ASH1L: variants seen among roughly 807,000 people sequenced by gnomAD.
The protein encoded by ASH1L is ASH1 like histone lysine methyltransferase, also known as histone-lysine N-methyltransferase ASH1L.
ASH1L carries 23 observed loss-of-function variants against 269.0 expected under a neutral mutation model. The ratio of observed to expected loss-of-function variants is 0.09; its 90% CI spans 0.06 to 0.12. ASH1L has a LOEUF of 0.12. Among genes scored for constraint, ASH1L ranks in the 10% least tolerant of loss-of-function variants. ASH1L has a pLI of 1.00. For synonymous variants in ASH1L, 1,187 were observed against 1,253.5 expected (o/e 0.95, Z 1.12); for missense variants, 2,912 against 3,567.8 (o/e 0.82, Z 4.68).
chr1:155,436,988 C>T (rs1251073722), intron 5 of ASH1L, among the ~76,000 whole-genome samples: 1 of 152,152 alleles, frequency 6.6e-6, no homozygotes, highest in Admixed American at 6.6e-5. Flanking sequence ...ATCATCTGAC[C>T]ATGCATGCAA....
chr1:155,479,858 A>C lies in ASH1L; in HGVS notation c.3012T>G (p.Ser1004Arg). ...TCCCTTTATTACTTGATTCTACAGA[A>C]CTTGAAAGAATCTGATTCAACAGTT... ...RKKLLNQILS[S>R]SVESSNKGKV... Residue 1004 changes from serine to arginine, a missense_variant, in exon 3 of 28, where the codon AGT (serine) becomes AGG (arginine). By Grantham distance (110) the Ser-to-Arg change is moderately radical (BLOSUM62 -1). Transcript: ENST00000392403. 1 of 1,613,558 alleles carries C rather than the reference A, an allele frequency of 6.2e-7. No individual in the cohort carries two copies. The highest frequency in any genetic ancestry group is 1.7e-5 in the Admixed American group (1 of 59,920).
At position 155,373,434 on chromosome 1, in the gene ASH1L, C is replaced by T. The variant is rs150920672; in HGVS notation, c.6333-2451G>A. 4.4e-3 allele frequency among the ~76,000 whole-genome samples: 674 copies of T among 151,486 alleles called. 6 individuals are homozygous for T. The highest frequency in any genetic ancestry group is 0.016 in the African/African-American group (645 of 41,250). ...TCCTGGGTAGCTGGGAACACAGGCG[C>T]GCACCACCGCATCTGACTACTTAAA... On this transcript the variant is annotated intron_variant, in intron 10 of 27. Coordinates refer to ENST00000392403, the MANE Select transcript of ASH1L (RefSeq NM_018489.3).
intron 5 of ASH1L, among the ~76,000 whole-genome samples, chr1:155,431,427 C>G (rs1661589132): frequency 1.3e-5 from 2 of 151,854 alleles, no homozygotes; most frequent in Admixed American, 6.6e-5. Context: ...GTAGCTAGAA[C>G]CACAGACACG....
chr1:155,361,872 C>CAAAAA (rs771879733), intron 12 of ASH1L, among the ~76,000 whole-genome samples: 3 of 58,680 alleles, frequency 5.1e-5, no homozygotes, highest in African/African-American at 5.7e-5. Flanking sequence ...GACTCCGTCT[C>CAAAAA]AAAAAAAAAA....
At position 155,521,132 on chromosome 1, in the gene ASH1L, C is replaced by T. The variant is rs2148842779; in HGVS notation, c.388G>A (p.Asp130Asn). The T allele has an allele frequency of 6.2e-7, 1 of 1,606,890 alleles. No homozygotes were observed. Among genetic ancestry groups the T allele is most frequent in the Non-Finnish European group, 8.5e-7 (1 of 1,178,030 alleles). The change falls in exon 2 of 28, where the codon GAT becomes AAT. Residue 130 changes from aspartate (D) to asparagine (N), a missense_variant. By Grantham distance (23) the Asp-to-Asn change is conservative. Around this residue, in one of 13 missense-constraint regions of ASH1L, gnomAD observed 277 missense variants for 367.7 expected, o/e 0.75. Coordinates refer to ENST00000392403, the MANE Select transcript of ASH1L (RefSeq NM_018489.3). ...GAAGGACAGTGTTCATTCTTTTCAT[C>T]CGTCATCTTTCCACTTTTAAGTGCT... is the stretch of plus-strand genomic sequence containing the variant. ...RKALKSGKMT[D>N]EKNEHCPSKR... is the part of the protein sequence containing the mutation.
chr1:155,557,413 T>G (rs1319727005), intron 1 of ASH1L, among the ~76,000 whole-genome samples: 1 of 151,794 alleles, frequency 6.6e-6, no homozygotes, highest in Non-Finnish European at 1.5e-5. Flanking sequence ...CAGGTGCCCA[T>G]CACCATGCCC....
chr1:155,546,942 A>ATTTTTTTTT, intron 1 of ASH1L, among the ~76,000 whole-genome samples: 1 of 130,814 alleles, frequency 7.6e-6, no homozygotes, highest in Non-Finnish European at 1.6e-5. Context: ...GTTTCATCAC[A>ATTTTTTTTT]TTCTTTTTTT....
At chr1:155,412,851 G>A (rs1290079148) in intron 6 of ASH1L, among the ~76,000 whole-genome samples, 1 of 151,396 alleles carries the variant, frequency 6.6e-6, no homozygotes, top group Non-Finnish European at 1.5e-5. Context: ...CTTGGTGTAT[G>A]GGAAAACCCT....
At chr1:155,408,644 CAG>C (rs1659509931) in intron 6 of ASH1L, among the ~76,000 whole-genome samples, 1 of 152,232 alleles carries the variant, frequency 6.6e-6, no homozygotes, top group Admixed American at 6.5e-5. Context: ...ATAAAGGAAA[CAG>C]GGGCCAGTTT....
chr1:155,520,071 G>C (rs992331704), intron 2 of ASH1L, among the ~76,000 whole-genome samples: 20 of 152,118 alleles, frequency 1.3e-4, no homozygotes, highest in Non-Finnish European at 1.0e-4. Context: ...AATTATTTTG[G>C]CTGGGTACAG....
chr1:155,530,962 CCAA>C (rs1669633722), intron 1 of ASH1L, among the ~76,000 whole-genome samples: 1 of 151,854 alleles, frequency 6.6e-6, no homozygotes, highest in Admixed American at 6.6e-5. Flanking sequence ...TCCAGCCTGG[CCAA>C]CAGAGTGACA....
At chr1:155,448,928 CTA>C (rs1663241621) in intron 4 of ASH1L, among the ~76,000 whole-genome samples, 2 of 151,308 alleles carry the variant, frequency 1.3e-5, no homozygotes, top group South Asian at 4.1e-4. Context: ...CCACAAATTT[CTA>C]TGTGTGTGTG....
intron 2 of ASH1L, among the ~76,000 whole-genome samples, chr1:155,510,345 C>T (rs529601494): frequency 5.5e-4 from 73 of 132,566 alleles, no homozygotes; most frequent in African/African-American, 1.8e-3. Context: ...ACCCGGGAGG[C>T]GGAGGTTGTA....
chr1:155,380,699 C>T (rs1656858431), intron 7 of ASH1L, among the ~76,000 whole-genome samples: 1 of 151,502 alleles, frequency 6.6e-6, no homozygotes, highest in African/African-American at 2.4e-5. Context: ...GGTGCGATCT[C>T]GGCTCACTGT....
intron 5 of ASH1L, among the ~76,000 whole-genome samples, chr1:155,420,127 G>C (rs991093069): frequency 4.6e-5 from 7 of 152,022 alleles, no homozygotes; most frequent in African/African-American, 1.7e-4. Context: ...AGACCAGCCT[G>C]GTGAACATGG....
intron 3 of ASH1L, among the ~76,000 whole-genome samples, chr1:155,463,998 T>C (rs1382428680): frequency 6.6e-6 from 1 of 152,202 alleles, no homozygotes; most frequent in Non-Finnish European, 1.5e-5. Flanking sequence ...ATTCACTGAC[T>C]CTTCGCCATA....
chr1:155,548,860 C>T (rs1211169799), intron 1 of ASH1L, among the ~76,000 whole-genome samples: 1 of 152,152 alleles, frequency 6.6e-6, no homozygotes, highest in Non-Finnish European at 1.5e-5. Context: ...CACCCAACTG[C>T]CTATTCAATA....
At chr1:155,467,750 G>T (rs55672208) in intron 3 of ASH1L, among the ~76,000 whole-genome samples, 1 of 151,760 alleles carries the variant, frequency 6.6e-6, no homozygotes, top group Non-Finnish European at 1.5e-5. Context: ...ACACTTATGA[G>T]GAATCCACTC....
chr1:155,521,714 T>G, intron 1 of ASH1L, 96 bp from the exon 2 acceptor site: 1 of 458,202 alleles, frequency 2.2e-6, no homozygotes, highest in South Asian at 6.1e-5. Flanking sequence ...GGTCAACAAC[T>G]ACCCAAAAAA....
Sources: allele counts gnomAD v4.1 joint callset (sites outside exome capture counted in the v4.1 genomes callset), GRCh38; gene constraint gnomAD v4.1.1; regional missense constraint gnomAD v4.1.1; transcripts MANE v1.5; gene names NCBI Gene and HGNC (gene_info 2026-07-23, HGNC 2026-07-21).